The following SHANK2 variants were observed in gnomAD, a reference collection of about 807,000 sequenced individuals.
The protein encoded by SHANK2 is SH3 and multiple ankyrin repeat domains 2, also known as SH3 and multiple ankyrin repeat domains protein 2.
A neutral mutation model predicts 133.7 loss-of-function variants in SHANK2; 43 were observed. That is an observed-to-expected ratio of 0.32 (90% CI 0.25 to 0.41). SHANK2 has a LOEUF of 0.41. SHANK2 is among the 10% of genes least tolerant of loss of function. The pLI is 1.00. For missense variants in SHANK2, 1,994 were observed against 2,235.8 expected, an observed-to-expected ratio of 0.89 and a Z score of 2.18; for synonymous variants, 1,017 against 952.8, an observed-to-expected ratio of 1.07 and a Z score of -1.24.
chr11:71,113,062 C>A (rs1359397224), intron 5 of SHANK2, among the ~76,000 whole-genome samples: 4 of 152,164 alleles, frequency 2.6e-5, no homozygotes, highest in African/African-American at 9.7e-5. Context: ...GGATCTGCCT[C>A]CCTTCCCCCA....
At chr11:70,866,718 G>A (rs1370139804) in intron 11 of SHANK2, among the ~76,000 whole-genome samples, 6 of 152,078 alleles carry the variant, frequency 3.9e-5, no homozygotes, top group African/African-American at 1.4e-4. Context: ...TCAACAAATA[G>A]GAGATTTTTG....
chr11:70,669,172 C>A (rs1318470727), intron 15 of SHANK2: 1 of 152,280 alleles, frequency 6.6e-6, no homozygotes, highest in Non-Finnish European at 1.5e-5. Flanking sequence ...GCTGAGGAGG[C>A]TCCCTGGCCA....
intron 17 of SHANK2, among the ~76,000 whole-genome samples, chr11:70,531,955 G>A (rs1030513695): frequency 3.9e-5 from 6 of 152,168 alleles, no homozygotes; most frequent in South Asian, 2.1e-4. Context: ...TGCCTGGACC[G>A]TGGTGTGTAG....
intron 17 of SHANK2, among the ~76,000 whole-genome samples, chr11:70,642,668 C>T (rs1002300020): frequency 1.3e-5 from 2 of 152,180 alleles, no homozygotes; most frequent in Non-Finnish European, 2.9e-5. Flanking sequence ...CTGGGAAACA[C>T]CAAGTGACAC....
At position 71,073,151 on chromosome 11, in the gene SHANK2, T is replaced by TTC. The variant is rs1555090532; in HGVS notation, c.1029+2007_1029+2008insGA. 2.1e-4 allele frequency among the ~76,000 whole-genome samples: 7 copies of TTC among 33,068 alleles called. 1 individual carries two copies. The highest frequency in any genetic ancestry group is 3.0e-3 in the South Asian group (2 of 676). 21.7% of individuals were successfully genotyped at this position (33,068 alleles called of 152,430 possible). A position where few individuals can be genotyped will look rare whatever the true frequency, so the allele number is the denominator to read the frequency against. ...TGTTTTTTTTCTTTTTCTTTTCTTT[T>TTC]TTTTCTTTTTTTTCTTTTTTTTTTT... On this transcript the variant is annotated intron_variant, in intron 9 of 25. Transcript: ENST00000601538.
At chr11:70,723,746 T>C (rs1488959492) in intron 14 of SHANK2, among the ~76,000 whole-genome samples, 4 of 152,132 alleles carry the variant, frequency 2.6e-5, no homozygotes, top group African/African-American at 9.7e-5. Flanking sequence ...TGTAACACTA[T>C]AAAATACTCT....
chr11:70,755,426 C>T (rs1265283695), intron 14 of SHANK2, among the ~76,000 whole-genome samples: 1 of 152,244 alleles, frequency 6.6e-6, no homozygotes, highest in Non-Finnish European at 1.5e-5. Flanking sequence ...CCTGCAGAAA[C>T]TGTGTGCAGG....
chr11:70,791,020 G>A (rs1186474979), intron 14 of SHANK2, among the ~76,000 whole-genome samples: 1 of 152,202 alleles, frequency 6.6e-6, no homozygotes, highest in Non-Finnish European at 1.5e-5. Flanking sequence ...CAGCCCGTCT[G>A]CTGACCAGAA....
At chr11:70,597,360 TG>T (rs1188169368) in intron 17 of SHANK2, among the ~76,000 whole-genome samples, 5 of 152,128 alleles carry the variant, frequency 3.3e-5, no homozygotes, top group Non-Finnish European at 5.9e-5. Context: ...ACAGGAAACC[TG>T]GAGGAGCCCT....
intron 12 of SHANK2, among the ~76,000 whole-genome samples, chr11:70,815,338 G>A (rs1948369741): frequency 1.3e-5 from 2 of 152,082 alleles, no homozygotes. Flanking sequence ...TGGGGGCAGG[G>A]ACAAGTGTGG....
At chr11:70,488,782 A>G (rs2058847376) in intron 24 of SHANK2, among the ~76,000 whole-genome samples, 1 of 152,236 alleles carries the variant, frequency 6.6e-6, no homozygotes, top group Non-Finnish European at 1.5e-5. Flanking sequence ...GACCTGGCAC[A>G]AAGTATGAGT....
chr11:70,837,456 G>C (rs1555060337), intron 11 of SHANK2, among the ~76,000 whole-genome samples: 1 of 152,238 alleles, frequency 6.6e-6, no homozygotes, highest in African/African-American at 2.4e-5. Context: ...GTCAACGCAT[G>C]AGGAGGCTTT....
chr11:71,106,565 A>G (rs562668605), intron 6 of SHANK2, among the ~76,000 whole-genome samples: 1 of 152,368 alleles, frequency 6.6e-6, no homozygotes, highest in African/African-American at 2.4e-5. Flanking sequence ...AGCTCTGGGA[A>G]ACATGGTCAG....
intron 1 of SHANK2, among the ~76,000 whole-genome samples, chr11:71,233,211 T>C (rs910747833): frequency 3.3e-5 from 5 of 151,436 alleles, no homozygotes; most frequent in African/African-American, 1.2e-4. Context: ...AAAGTGGAGG[T>C]AACCCCAACA....
At chr11:71,244,472 G>A (rs1163772540) in intron 1 of SHANK2, among the ~76,000 whole-genome samples, 1 of 152,230 alleles carries the variant, frequency 6.6e-6, no homozygotes, top group African/African-American at 2.4e-5. Context: ...GCAGCCCCGG[G>A]AACCAGCCTA....
At chr11:70,616,239 A>C (rs2060739939) in intron 17 of SHANK2, among the ~76,000 whole-genome samples, 1 of 152,146 alleles carries the variant, frequency 6.6e-6, no homozygotes, top group Non-Finnish European at 1.5e-5. Context: ...TGCTCCGATA[A>C]GTAGCTACTG....
intron 15 of SHANK2, among the ~76,000 whole-genome samples, chr11:70,680,646 G>A (rs908933040): frequency 6.6e-6 from 1 of 152,056 alleles, no homozygotes; most frequent in African/African-American, 2.4e-5. Context: ...CCCCTTGGCC[G>A]GGTGAAGTCA....
intron 17 of SHANK2, among the ~76,000 whole-genome samples, chr11:70,544,920 C>T (rs542112364): frequency 2.4e-4 from 36 of 152,332 alleles, no homozygotes; most frequent in African/African-American, 7.7e-4. Context: ...GACACCGTCG[C>T]GGGACCACGT....
At chr11:71,196,489 T>C (rs1240090129) in intron 2 of SHANK2, among the ~76,000 whole-genome samples, 1 of 152,018 alleles carries the variant, frequency 6.6e-6, no homozygotes, top group African/African-American at 2.4e-5. Flanking sequence ...TTTCATCAGG[T>C]TGGCCAGTCT....
Sources: gnomAD v4.1 joint callset for allele counts (sites outside exome capture counted in the v4.1 genomes callset) on GRCh38, gnomAD v4.1.1 for gene constraint, MANE v1.5 for transcripts, NCBI Gene and HGNC (gene_info 2026-07-23, HGNC 2026-07-21) for gene names.